The following CEBPG variants were observed in gnomAD, a reference collection of about 807,000 sequenced individuals.
CEBPG encodes the protein CCAAT/enhancer-binding protein gamma.
CEBPG carries 6 observed loss-of-function variants against 11.1 expected under a neutral mutation model. The ratio of observed to expected loss-of-function variants is 0.54; its 90% CI spans 0.30 to 1.07. The LOEUF is 1.07. CEBPG is among the 50% of genes least tolerant of loss of function. The pLI is 0.07. For synonymous variants in CEBPG, 66 were observed against 71.0 expected, an observed-to-expected ratio of 0.93 and a Z score of 0.36; for missense variants, 161 against 187.4, an observed-to-expected ratio of 0.86 and a Z score of 0.82.
In CEBPG at chr19:33,380,052, T is replaced by C. The variant is rs1600064822; in HGVS notation, c.*360T>C. 5.2e-6 allele frequency: 1 copy of C among 192,522 alleles called. No individual in the cohort carries two copies. Among genetic ancestry groups the C allele is most frequent in the African/African-American group, 2.4e-5 (1 of 42,206 alleles). The allele number at this position is 192,522 out of a possible 1,614,324, so 11.9% of individuals were successfully genotyped here. ...GGGAACTGGCAGGCCGCGCAGAAGG[T>C]TCTTGGTTTTAATGGATAGGCTGAA... On this transcript the variant is annotated 3_prime_UTR_variant, in exon 2 of 2. Transcript: ENST00000284000.
In CEBPG at chr19:33,379,624, C is replaced by T; in HGVS notation, c.385C>T (p.Leu129Phe). 6.2e-7 allele frequency: 1 copy of T among 1,614,126 alleles called. No individual in the cohort carries two copies. Among genetic ancestry groups the T allele is most frequent in the Non-Finnish European group, 8.5e-7 (1 of 1,180,038 alleles). Residue 129 changes from leucine to phenylalanine, a missense_variant, in exon 2 of 2, where the codon CTT becomes TTT. By Grantham distance (22) the Leu-to-Phe change is conservative (BLOSUM62 0). Coordinates refer to ENST00000284000, the MANE Select transcript of CEBPG (RefSeq NM_001806.4). ...KDLFLEHAHN[L>F]ADNVQSISTE... Reference sequence around the variant, plus strand: ...TTTGTTTCTTGAGCATGCACACAACCTTGCAGACAACGTACAGTCCATTAG... The same window carrying T: ...TTTGTTTCTTGAGCATGCACACAACTTTGCAGACAACGTACAGTCCATTAG...
At chr19:33,378,497 T>C (rs1440771283) in intron 1 of CEBPG, among the ~76,000 whole-genome samples, 3 of 152,108 alleles carry the variant, frequency 2.0e-5, no homozygotes, top group African/African-American at 7.2e-5. Flanking sequence ...GCAAATTGAG[T>C]GTCAGAGCTC....
intron 1 of CEBPG, among the ~76,000 whole-genome samples, chr19:33,377,564 A>G (rs1358723232): frequency 6.6e-6 from 1 of 152,248 alleles, no homozygotes; most frequent in South Asian, 2.1e-4. Flanking sequence ...CAAATGGATA[A>G]TAATAATGTT....
At position 33,382,656 on chromosome 19, in the gene CEBPG, T is replaced by C. The variant is rs1222303147; in HGVS notation, c.*2964T>C. The C allele has an allele frequency of 6.0e-6, 1 of 166,450 alleles. No homozygotes were observed. Among genetic ancestry groups the C allele is most frequent in the Non-Finnish European group, 1.5e-5 (1 of 68,108 alleles). The allele number at this position is 166,450 out of a possible 1,614,324, so 10.3% of individuals were successfully genotyped here. ...ATATAATTTTATTTCTTTCAACAAA[T>C]ATAAAATAAAAAACAACTTTGGAAC... On this transcript the variant is annotated 3_prime_UTR_variant, in exon 2 of 2. Coordinates refer to ENST00000284000, the MANE Select transcript of CEBPG (RefSeq NM_001806.4).
chr19:33,377,112 C>G (rs1397940123), intron 1 of CEBPG, among the ~76,000 whole-genome samples: 2 of 152,226 alleles, frequency 1.3e-5, no homozygotes, highest in Non-Finnish European at 2.9e-5. Flanking sequence ...TGAAAAAGCC[C>G]TTCCCTGTTC....
chr19:33,373,967 G>T (rs961001405), intron 1 of CEBPG, 72 bp downstream of exon 1: 105 of 151,258 alleles, frequency 6.9e-4, no homozygotes, highest in African/African-American at 2.5e-3. Context: ...GCTCGACTGG[G>T]TGCGGGCCCG....
At chr19:33,377,663 A>G (rs1215961425) in intron 1 of CEBPG, among the ~76,000 whole-genome samples, 2 of 152,176 alleles carry the variant, frequency 1.3e-5, no homozygotes, top group African/African-American at 4.8e-5. Flanking sequence ...GACCAAGGGA[A>G]ATTGTGAACT....
chr19:33,380,025 T>TGGGGAACTGGCA lies in CEBPG; in HGVS notation c.*336_*347dup. On this transcript the variant is annotated 3_prime_UTR_variant, in exon 2 of 2. Transcript: ENST00000284000. ...TTCTTTTTTAAGTTGACAAAAGGAA[T>TGGGGAACTGGCA]GGGGAACTGGCAGGCCGCGCAGAAG... The TGGGGAACTGGCA allele has an allele frequency of 4.6e-6, 1 of 215,204 alleles. No individual in the cohort carries two copies. Among genetic ancestry groups the TGGGGAACTGGCA allele is most frequent in the Non-Finnish European group, 1.0e-5 (1 of 99,594 alleles). 13.3% of individuals were successfully genotyped at this position (215,204 alleles called of 1,614,324 possible). A position where few individuals can be genotyped will look rare whatever the true frequency, so the allele number is the denominator to read the frequency against.
rs931101741 is a variant in CEBPG, at chr19:33,381,470, G to A, written c.*1778G>A. The A allele has an allele frequency of 6.0e-6, 1 of 166,916 alleles. No homozygotes were observed. Among genetic ancestry groups the A allele is most frequent in the African/African-American group, 2.4e-5 (1 of 41,446 alleles). 10.3% of individuals were successfully genotyped at this position (166,916 alleles called of 1,614,324 possible). On this transcript the variant is annotated 3_prime_UTR_variant, in exon 2 of 2. Coordinates refer to ENST00000284000, the MANE Select transcript of CEBPG (RefSeq NM_001806.4). ...TATAGAGCCAGGAGACAGGATAGGG[G>A]TTTCTAGGGTCCAACACCAGCTTAC... is the stretch of plus-strand genomic sequence containing the variant.
chr19:33,376,606 A>G (rs943825914), intron 1 of CEBPG, among the ~76,000 whole-genome samples: 6 of 152,302 alleles, frequency 3.9e-5, no homozygotes, highest in Non-Finnish European at 8.8e-5. Context: ...CAGGGACCAC[A>G]CTTTGAGAAC....
chr19:33,379,978 A>C lies in CEBPG; in HGVS notation c.*286A>C. The C allele has an allele frequency of 3.6e-6, 1 of 279,440 alleles. No homozygotes were observed. Among genetic ancestry groups the C allele is most frequent in the East Asian group, 6.6e-5 (1 of 15,164 alleles). The allele number at this position is 279,440 out of a possible 1,614,324, so 17.3% of individuals were successfully genotyped here. On this transcript the variant is annotated 3_prime_UTR_variant, in exon 2 of 2. Transcript: ENST00000284000. ...TCTGGGATCCCGATGTTCTTAATAA[A>C]TCCTGACTTCCCAAGAAATGCTTCT...
intron 1 of CEBPG, among the ~76,000 whole-genome samples, chr19:33,377,676 C>T (rs1338880074): frequency 6.6e-6 from 1 of 152,134 alleles, no homozygotes; most frequent in Non-Finnish European, 1.5e-5. Context: ...TGTGAACTGT[C>T]CATTACTGAA....
intron 1 of CEBPG, among the ~76,000 whole-genome samples, chr19:33,375,394 C>G (rs946705010): frequency 4.6e-5 from 7 of 151,982 alleles, no homozygotes; most frequent in African/African-American, 1.5e-4. Context: ...ATACAGGTAG[C>G]CACGATTCCA....
Position 33,379,641 on chromosome 19 carries a change from G to GT in CEBPG, c.403dup (p.Ser135PhefsTer3). The GT allele has an allele frequency of 6.2e-7, 1 of 1,613,992 alleles. No individual in the cohort carries two copies. The highest frequency in any genetic ancestry group is 8.5e-7 in the Non-Finnish European group (1 of 1,179,938). On this transcript the variant is annotated frameshift_variant, in exon 2 of 2. Transcript: ENST00000284000. Reference sequence around the variant, plus strand: ...CACACAACCTTGCAGACAACGTACAGTCCATTAGCACTGAAAATACGACAG... The same window carrying GT: ...CACACAACCTTGCAGACAACGTACAGTTCCATTAGCACTGAAAATACGACAG...
At chr19:33,379,022 A>T (rs1568438135) in intron 1 of CEBPG, 122 bp from the exon 2 acceptor site, 1 of 446,672 alleles carries the variant, frequency 2.2e-6, no homozygotes, top group African/African-American at 2.0e-5. Context: ...AACAGTTGGC[A>T]GTTGCTGTAG....
At position 33,381,504 on chromosome 19, in the gene CEBPG, A is replaced by G. The variant is rs3745968; in HGVS notation, c.*1812A>G. On this transcript the variant is annotated 3_prime_UTR_variant, in exon 2 of 2. Transcript: ENST00000284000. ...GTCCAACACCAGCTTACCTTGGAGT[A>G]TGAATCTACCCATGAAGGATGAGAG... 16,041 of 167,018 alleles carry G rather than the reference A, an allele frequency of 0.096. 857 individuals are homozygous for G. Among genetic ancestry groups the G allele is most frequent in the Middle Eastern group, 0.14 (40 of 296 alleles). The allele number at this position is 167,018 out of a possible 1,614,324, so 10.3% of individuals were successfully genotyped here.
intron 1 of CEBPG, among the ~76,000 whole-genome samples, chr19:33,378,293 A>G (rs1472105453): frequency 2.0e-5 from 3 of 152,210 alleles, no homozygotes; most frequent in African/African-American, 7.2e-5. Flanking sequence ...CTCATTTGGT[A>G]GCACGAAGTG....
intron 1 of CEBPG, among the ~76,000 whole-genome samples, chr19:33,376,923 G>C (rs980022032): frequency 1.3e-5 from 2 of 152,170 alleles, no homozygotes; most frequent in African/African-American, 4.8e-5. Flanking sequence ...TATGGTTAAA[G>C]AACTTACTAA....
intron 1 of CEBPG, 22 bp from the exon 2 acceptor site, chr19:33,379,122 A>T (rs1187747635): frequency 1.2e-6 from 1 of 834,850 alleles, no homozygotes; most frequent in Non-Finnish European, 1.8e-6. Flanking sequence ...AAATATTTTA[A>T]TGCAATTTAT....
Sources: gnomAD v4.1 joint callset for allele counts (sites outside exome capture counted in the v4.1 genomes callset) on GRCh38, gnomAD v4.1.1 for gene constraint, MANE v1.5 for transcripts, NCBI Gene and HGNC (gene_info 2026-07-23, HGNC 2026-07-21) for gene names.